The following XKR9 variants were observed in gnomAD, a reference collection of about 807,000 sequenced individuals.
XKR9 encodes XK related 9.
In XKR9, 32 loss-of-function variants were observed where a neutral mutation model predicts 32.0. The ratio of observed to expected loss-of-function variants is 1.00; its 90% confidence interval spans 0.76 to 1.34. The LOEUF is 1.34. Ranked by LOEUF, XKR9 falls within the 40% of genes most tolerant of loss-of-function variation. XKR9 has a pLI of 0.00. For synonymous variants in XKR9, 168 were observed against 143.4 expected, an observed-to-expected ratio of 1.17 and a Z score of -1.22; for missense variants, 546 against 429.7, an observed-to-expected ratio of 1.27 and a Z score of -2.39.
chr8:70,910,581 ACT>A, the XKR9 span, among the ~76,000 whole-genome samples: 2 of 152,148 alleles, frequency 1.3e-5, no homozygotes, highest in Non-Finnish European at 2.9e-5. Flanking sequence ...TTGTTCAAAG[ACT>A]CTCTGCAACC....
the XKR9 span, among the ~76,000 whole-genome samples, chr8:70,882,993 CA>C: frequency 6.6e-6 from 1 of 151,490 alleles, no homozygotes; most frequent in African/African-American, 2.4e-5. Context: ...TTAAAAATTT[CA>C]GTAGTTTTTG....
intron 2 of XKR9, among the ~76,000 whole-genome samples, chr8:70,776,187 T>C (rs2130241965): frequency 6.6e-6 from 1 of 152,320 alleles, no homozygotes; most frequent in East Asian, 1.9e-4. Flanking sequence ...TGAAGTCATC[T>C]GAGTTTTGAA....
chr8:70,969,859 A>T, the XKR9 span, among the ~76,000 whole-genome samples: 1 of 152,190 alleles, frequency 6.6e-6, no homozygotes, highest in Non-Finnish European at 1.5e-5. Flanking sequence ...TCACCCGAGC[A>T]ATATACACTA....
At chr8:71,012,641 C>T in the XKR9 span, among the ~76,000 whole-genome samples, 2 of 152,260 alleles carry the variant, frequency 1.3e-5, no homozygotes, top group Non-Finnish European at 2.9e-5. Flanking sequence ...CTACCATATG[C>T]CAGGCATTGT....
chr8:70,902,898 T>C, the XKR9 span, among the ~76,000 whole-genome samples: 1 of 152,184 alleles, frequency 6.6e-6, no homozygotes, highest in Admixed American at 6.5e-5. Context: ...ATTGAGATAA[T>C]CATGTGGTTT....
intron 4 of XKR9, among the ~76,000 whole-genome samples, chr8:70,709,318 C>G (rs1000781929): frequency 6.6e-6 from 1 of 152,056 alleles, no homozygotes; most frequent in Non-Finnish European, 1.5e-5. Flanking sequence ...ATGGAACCAT[C>G]TATGACAAAC....
Position 70,733,809 on chromosome 8 carries a change from GGTCTCTT to G in XKR9, c.509_515del (p.Val170AlafsTer13). ...TTTGTTTTGTAGATGCGGCCATCAT[GGTCTCTT>G]GCTGTGCTATTTCTTGGTCAACTGT... On this transcript the variant is annotated frameshift_variant, in exon 5 of 5. Coordinates refer to ENST00000408926, the MANE Select transcript of XKR9 (RefSeq NM_001011720.2). LOFTEE classifies it high-confidence loss of function. The G allele has an allele frequency of 6.4e-7, 1 of 1,560,550 alleles. No homozygotes were observed.
chr8:70,699,106 A>G lies in XKR9; in HGVS notation c.273-7827A>G, dbSNP rs572922067. ...TGCACGTGAGATGGGTTTCCTGAAT[A>G]CAACACACTGATGGGTCTTGACTCT... On this transcript the variant is annotated intron_variant, in intron 3 of 4. Coordinates refer to ENST00000408926, the MANE Select transcript of XKR9 (RefSeq NM_001011720.2). Among the ~76,000 whole-genome samples, 540 of 152,258 alleles carry G rather than the reference A, an allele frequency of 3.5e-3. 2 individuals carry two copies. The highest frequency in any genetic ancestry group is 6.5e-3 in the Non-Finnish European group (440 of 68,024).
the XKR9 span, among the ~76,000 whole-genome samples, chr8:70,912,090 A>G: frequency 6.6e-6 from 1 of 152,156 alleles, no homozygotes; most frequent in Non-Finnish European, 1.5e-5. Flanking sequence ...ATGTTACAAA[A>G]GGCAGAGAGA....
At chr8:70,896,014 A>C in the XKR9 span, among the ~76,000 whole-genome samples, 1 of 152,100 alleles carries the variant, frequency 6.6e-6, no homozygotes, top group African/African-American at 2.4e-5. Context: ...CTTTAAAAAA[A>C]GAAGATTTTT....
the XKR9 span, among the ~76,000 whole-genome samples, chr8:70,869,443 C>T: frequency 6.6e-6 from 1 of 152,144 alleles, no homozygotes; most frequent in African/African-American, 2.4e-5. Context: ...AGGCAAACTC[C>T]ACCTTTTAAA....
chr8:70,852,546 C>T, the XKR9 span, among the ~76,000 whole-genome samples: 6 of 152,166 alleles, frequency 3.9e-5, no homozygotes, highest in African/African-American at 1.2e-4. Flanking sequence ...TATACATGCA[C>T]ATGTGTGTTT....
downstream of XKR9, among the ~76,000 whole-genome samples, chr8:70,739,270 A>G (rs1255039730): frequency 1.3e-5 from 2 of 152,080 alleles, no homozygotes; most frequent in Admixed American, 6.6e-5. Flanking sequence ...AGTCTCTTTT[A>G]TCAGAGACTA....
At chr8:70,964,535 G>T in the XKR9 span, among the ~76,000 whole-genome samples, 5 of 152,176 alleles carry the variant, frequency 3.3e-5, no homozygotes, top group Non-Finnish European at 7.3e-5. Context: ...GAATAGCATT[G>T]AATCTATAAA....
intron 4 of XKR9, among the ~76,000 whole-genome samples, chr8:70,713,090 A>G (rs909423848): frequency 2.0e-5 from 3 of 152,180 alleles, no homozygotes; most frequent in Non-Finnish European, 2.9e-5. Flanking sequence ...AAACTATTAA[A>G]AATGAGTTTA....
chr8:70,903,728 G>T, the XKR9 span, among the ~76,000 whole-genome samples: 3 of 152,108 alleles, frequency 2.0e-5, no homozygotes, highest in Non-Finnish European at 4.4e-5. Context: ...TAATTGTGAT[G>T]TTAAGGTTTC....
At chr8:70,780,134 T>C (rs1237364632) in intron 2 of XKR9, among the ~76,000 whole-genome samples, 1 of 151,846 alleles carries the variant, frequency 6.6e-6, no homozygotes, top group Non-Finnish European at 1.5e-5. Context: ...ATATTAGTAA[T>C]TGTCTTTTCT....
intron 2 of XKR9, among the ~76,000 whole-genome samples, chr8:70,747,157 C>A (rs909254417): frequency 5.9e-5 from 9 of 152,104 alleles, no homozygotes; most frequent in Admixed American, 1.3e-4. Context: ...TTCAGTCCAC[C>A]ATTGATAAAC....
the XKR9 span, among the ~76,000 whole-genome samples, chr8:70,875,630 A>T: frequency 6.6e-6 from 1 of 152,222 alleles, no homozygotes; most frequent in African/African-American, 2.4e-5. Context: ...GAATTGGTAC[A>T]TCATAACAAT....
Sources: allele counts gnomAD v4.1 joint callset (sites outside exome capture counted in the v4.1 genomes callset), GRCh38; gene constraint gnomAD v4.1.1; transcripts MANE v1.5; gene names NCBI Gene and HGNC (gene_info 2026-07-23, HGNC 2026-07-21).